Variants in DENND5B observed in about 807,000 individuals in gnomAD.
DENND5B encodes the protein DENN domain-containing protein 5B.
A neutral mutation model predicts 140.6 loss-of-function variants in DENND5B; 34 were observed. The observed-to-expected ratio is 0.24, with a 90% confidence interval of 0.18 to 0.32. The LOEUF (loss-of-function observed/expected upper bound fraction) is 0.32, where lower values mean the gene tolerates loss of function less well. Ranked by LOEUF, DENND5B falls within the 10% of genes least tolerant of loss-of-function variation. The pLI, the probability that DENND5B is intolerant of heterozygous loss-of-function variation, is 1.00. For synonymous variants in DENND5B, 551 were observed against 562.1 expected (o/e 0.98, Z 0.28); for missense variants, 1,142 against 1,560.2 (o/e 0.73, Z 4.52).
chr12:31,545,101 T>A (rs965150275), intron 1 of DENND5B, among the ~76,000 whole-genome samples: 1 of 152,110 alleles, frequency 6.6e-6, no homozygotes, highest in Non-Finnish European at 1.5e-5. Context: ...AAAAAGTCCT[T>A]ATCAGAGCCA....
intron 4 of DENND5B, among the ~76,000 whole-genome samples, chr12:31,459,491 T>C (rs988401395): frequency 1.3e-5 from 2 of 152,104 alleles, no homozygotes; most frequent in African/African-American, 4.8e-5. Context: ...GGTTTCATCA[T>C]GTTAGCCAGG....
At chr12:31,558,925 A>G (rs773348581) in intron 1 of DENND5B, among the ~76,000 whole-genome samples, 2 of 152,214 alleles carry the variant, frequency 1.3e-5, no homozygotes, top group Non-Finnish European at 2.9e-5. Context: ...CTTGACTATC[A>G]TCTATTCAGC....
intron 1 of DENND5B, among the ~76,000 whole-genome samples, chr12:31,577,536 C>T (rs1419560024): frequency 6.6e-6 from 1 of 151,568 alleles, no homozygotes; most frequent in African/African-American, 2.4e-5. Flanking sequence ...TGGTGAAACC[C>T]CGTCTCTACT....
intron 19 of DENND5B, among the ~76,000 whole-genome samples, chr12:31,390,228 G>A (rs1941053161): frequency 6.6e-6 from 1 of 152,248 alleles, no homozygotes; most frequent in African/African-American, 2.4e-5. Context: ...TTCCTGTGAT[G>A]ATGAAAATGT....
Position 31,405,557 on chromosome 12 carries a change from T to C in DENND5B, c.2804-2914A>G, listed in dbSNP as rs145190349. On this transcript the variant is annotated intron_variant, in intron 14 of 20. Coordinates refer to ENST00000389082, the MANE Select transcript of DENND5B (RefSeq NM_144973.4). ...ATGTATGTATGTATGTATGTATGTA[T>C]GTATTTTTGAGGCAGAGTTTCACTC... Among the ~76,000 whole-genome samples the C allele has an allele frequency of 5.8e-3, 886 of 151,662 alleles. 7 individuals carry two copies. The highest frequency in any genetic ancestry group is 0.014 in the Middle Eastern group (4 of 294).
intron 1 of DENND5B, among the ~76,000 whole-genome samples, chr12:31,571,752 G>A (rs552387185): frequency 3.3e-5 from 5 of 152,234 alleles, no homozygotes; most frequent in African/African-American, 1.2e-4. Context: ...TGAGTAGCTG[G>A]GGAGCCACCA....
At chr12:31,408,624 C>CAAAAAA (rs33965275) in intron 14 of DENND5B, among the ~76,000 whole-genome samples, 1 of 71,960 alleles carries the variant, frequency 1.4e-5, no homozygotes, top group Non-Finnish European at 2.4e-5. Flanking sequence ...GAGACTCTAT[C>CAAAAAA]AAAAAAAAAA....
At position 31,402,536 on chromosome 12, in the gene DENND5B, T is replaced by A. The variant is rs377602151; in HGVS notation, c.2911A>T (p.Met971Leu). 6.2e-7 allele frequency: 1 copy of A among 1,613,646 alleles called. No individual in the cohort carries two copies. The highest frequency in any genetic ancestry group is 1.7e-5 in the Admixed American group (1 of 59,976). The change falls in exon 15 of 21, where the codon ATG (methionine) becomes TTG (leucine). Residue 971 changes from methionine (M) to leucine (L), a missense_variant. Coordinates refer to ENST00000389082, the MANE Select transcript of DENND5B (RefSeq NM_144973.4). ...VSGELGDTGV[M>L]QIPKNLLEMT... ...TCGAGGAGGTTTTTGGGAATCTGCA[T>A]TACTCCTGTGTCTCCCAGCTCTCCT... is the stretch of plus-strand genomic sequence containing the variant.
chr12:31,409,750 A>G (rs1166216252), intron 13 of DENND5B, among the ~76,000 whole-genome samples: 1 of 152,126 alleles, frequency 6.6e-6, no homozygotes, highest in Non-Finnish European at 1.5e-5. Flanking sequence ...AAGTGCTGGG[A>G]TTACAGGCAT....
chr12:31,519,764 C>T (rs888177650), intron 1 of DENND5B, among the ~76,000 whole-genome samples: 2 of 152,188 alleles, frequency 1.3e-5, no homozygotes, highest in South Asian at 4.1e-4. Context: ...GATAAGCATG[C>T]TTCAGAATTT....
At chr12:31,482,286 C>CTT (rs1163388280) in intron 2 of DENND5B, among the ~76,000 whole-genome samples, 2 of 152,206 alleles carry the variant, frequency 1.3e-5, no homozygotes, top group Non-Finnish European at 2.9e-5. Flanking sequence ...TCTACAATCT[C>CTT]ATGAACCTGA....
Position 31,562,439 on chromosome 12 carries a change from C to T in DENND5B, c.127+28267G>A, listed in dbSNP as rs147958659. 2.0e-5 allele frequency among the ~76,000 whole-genome samples: 3 copies of T among 152,134 alleles called. No homozygotes were observed. The East Asian group carries it at 5.8e-4, about 29-fold the overall frequency. On this transcript the variant is annotated intron_variant, in intron 1 of 20. Coordinates refer to ENST00000389082, the MANE Select transcript of DENND5B (RefSeq NM_144973.4). The stretch of plus-strand genomic sequence containing the variant: ...CATCCTGACCAACATGGAGAAACCC[C>T]ATCTCTAATACAAATACAAAATTAG...
At position 31,488,455 on chromosome 12, in the gene DENND5B, C is replaced by T. The variant is rs1030239598; in HGVS notation, c.237+7355G>A. Among the ~76,000 whole-genome samples the T allele has an allele frequency of 5.9e-5, 9 of 152,130 alleles. 1 individual carries two copies. The highest frequency in any genetic ancestry group is 2.0e-4 in the Admixed American group (3 of 15,256). ...CTTAAGGGTTTGTAGCTTTCTTGAG[C>T]GCACATTCAAACATTTACAGAAAAA... On this transcript the variant is annotated intron_variant, in intron 2 of 20. Coordinates refer to ENST00000389082, the MANE Select transcript of DENND5B (RefSeq NM_144973.4).
intron 1 of DENND5B, among the ~76,000 whole-genome samples, chr12:31,519,555 T>A (rs1947800102): frequency 6.6e-6 from 1 of 152,188 alleles, no homozygotes; most frequent in Admixed American, 6.5e-5. Context: ...TCTAATACAT[T>A]GTTAGTAACT....
At chr12:31,487,286 G>C (rs1232073097) in intron 2 of DENND5B, among the ~76,000 whole-genome samples, 1 of 152,168 alleles carries the variant, frequency 6.6e-6, no homozygotes, top group African/African-American at 2.4e-5. Context: ...CTTATTCCTA[G>C]TCTTAGGAAT....
intron 17 of DENND5B, among the ~76,000 whole-genome samples, chr12:31,397,331 A>C (rs923960734): frequency 1.3e-5 from 2 of 151,806 alleles, no homozygotes; most frequent in Non-Finnish European, 2.9e-5. Context: ...GGTGGATCTC[A>C]AGGTCAAGAG....
At chr12:31,403,520 G>T (rs1282914535) in intron 14 of DENND5B, among the ~76,000 whole-genome samples, 3 of 151,044 alleles carry the variant, frequency 2.0e-5, no homozygotes, top group Admixed American at 6.6e-5. Flanking sequence ...TTGAACCCGG[G>T]AGGCAGAGGT....
intron 14 of DENND5B, among the ~76,000 whole-genome samples, chr12:31,408,497 C>T (rs1336757072): frequency 2.6e-5 from 4 of 151,334 alleles, no homozygotes; most frequent in Non-Finnish European, 5.9e-5. Context: ...TGTGGTGGGG[C>T]GTGCCTGTAA....
At chr12:31,431,910 G>T in intron 8 of DENND5B, 1 of 238,178 alleles carries the variant, frequency 4.2e-6, no homozygotes, top group Non-Finnish European at 6.8e-6. Context: ...AAAATGGGGA[G>T]TGTGAGTTCA....
Sources: allele counts gnomAD v4.1 joint callset (sites outside exome capture counted in the v4.1 genomes callset), GRCh38; gene constraint gnomAD v4.1.1; transcripts MANE v1.5; gene names NCBI Gene and HGNC (gene_info 2026-07-23, HGNC 2026-07-21).